The following MAPK10 variants were observed in gnomAD, a reference collection of about 807,000 sequenced individuals.
The protein encoded by MAPK10 is mitogen-activated protein kinase 10.
MAPK10 carries 25 observed loss-of-function variants against 59.3 expected under a neutral mutation model. That is an observed-to-expected ratio of 0.42 (90% CI 0.31 to 0.59). MAPK10 has a LOEUF of 0.59. Ranked by LOEUF, MAPK10 falls within the 20% of genes least tolerant of loss-of-function variation. The pLI, the probability that MAPK10 is intolerant of heterozygous loss-of-function variation, is 0.15. For synonymous variants in MAPK10, 190 were observed against 200.5 expected (o/e 0.95, Z 0.44); for missense variants, 351 against 568.9 (o/e 0.62, Z 3.90).
intron 11 of MAPK10, among the ~76,000 whole-genome samples, chr4:86,048,812 T>C (rs1005859191): frequency 3.3e-5 from 5 of 152,172 alleles, no homozygotes; most frequent in African/African-American, 1.2e-4. Flanking sequence ...GGTTGAAATG[T>C]AATAATTTTT....
chr4:86,413,235 A>C lies in MAPK10; in HGVS notation c.-122+39795T>G, dbSNP rs568730159. Reference sequence around the variant, plus strand: ...GTTTGCCTGAGTATCACCAGCAGAGACTGCAGAACAGCAAATATTGCTGCC... The same window carrying C: ...GTTTGCCTGAGTATCACCAGCAGAGCCTGCAGAACAGCAAATATTGCTGCC... On this transcript the variant is annotated intron_variant, in intron 1 of 13. Transcript: ENST00000361569. 4.9e-4 allele frequency among the ~76,000 whole-genome samples: 74 copies of C among 152,198 alleles called. 1 individual carries two copies. Among genetic ancestry groups the C allele is most frequent in the African/African-American group, 1.6e-3 (65 of 41,530 alleles).
intron 2 of MAPK10, among the ~76,000 whole-genome samples, chr4:86,304,718 C>A (rs1253641822): frequency 6.6e-6 from 1 of 152,064 alleles, no homozygotes; most frequent in Admixed American, 6.5e-5. Flanking sequence ...TATTAAATTT[C>A]TTCCTGTTTG....
chr4:86,553,699 C>CA (rs1049782738), intron 1 of MAPK10, among the ~76,000 whole-genome samples: 4 of 152,112 alleles, frequency 2.6e-5, no homozygotes, highest in African/African-American at 9.7e-5. Flanking sequence ...CCAAGTCACC[C>CA]ATTCTACCCA....
upstream of MAPK10, among the ~76,000 whole-genome samples, chr4:86,360,490 G>A (rs78281711): frequency 0.01 from 1,548 of 152,292 alleles, 31 homozygotes; most frequent in African/African-American, 0.035. Flanking sequence ...GCAGGCATTT[G>A]AGTGTCGCCT....
At chr4:86,533,476 C>T (rs1757990827) in intron 1 of MAPK10, among the ~76,000 whole-genome samples, 1 of 152,142 alleles carries the variant, frequency 6.6e-6, no homozygotes. Context: ...AAGTACAGTA[C>T]TGAGGGTTCA....
intron 1 of MAPK10, among the ~76,000 whole-genome samples, chr4:86,415,920 C>T (rs1014385393): frequency 6.6e-6 from 1 of 152,108 alleles, no homozygotes; most frequent in African/African-American, 2.4e-5. Flanking sequence ...CCAGATTAGA[C>T]AAAGTTGGAT....
intron 2 of MAPK10, among the ~76,000 whole-genome samples, chr4:86,306,426 T>C (rs2095569655): frequency 6.6e-6 from 1 of 152,226 alleles, no homozygotes; most frequent in South Asian, 2.1e-4. Flanking sequence ...GACTTGCACA[T>C]TTCTTGCAAG....
At chr4:86,135,083 C>T (rs2061697187) in intron 4 of MAPK10, among the ~76,000 whole-genome samples, 1 of 152,200 alleles carries the variant, frequency 6.6e-6, no homozygotes, top group Non-Finnish European at 1.5e-5. Flanking sequence ...TGAGATCAAA[C>T]TGCAAGGCAG....
At chr4:86,147,994 C>A (rs186468101) in intron 4 of MAPK10, among the ~76,000 whole-genome samples, 1 of 152,170 alleles carries the variant, frequency 6.6e-6, no homozygotes, top group African/African-American at 2.4e-5. Flanking sequence ...TTCAAACATA[C>A]ACATTACATT....
chr4:86,497,035 T>G (rs2149077551), intron 1 of MAPK10, among the ~76,000 whole-genome samples: 1 of 152,344 alleles, frequency 6.6e-6, no homozygotes, highest in Admixed American at 6.5e-5. Context: ...TCACATGCTA[T>G]TTCATTCTAT....
intron 4 of MAPK10, among the ~76,000 whole-genome samples, chr4:86,144,409 T>C (rs1392456238): frequency 6.6e-6 from 1 of 152,130 alleles, no homozygotes; most frequent in Non-Finnish European, 1.5e-5. Context: ...TTTGAGCAGA[T>C]AAAGCAAGAA....
chr4:86,325,093 ATCT>A (rs557945446), intron 2 of MAPK10, among the ~76,000 whole-genome samples: 22 of 152,280 alleles, frequency 1.4e-4, no homozygotes, highest in Admixed American at 1.0e-3. Context: ...ATTTAATTAA[ATCT>A]TCTTCTATAC....
At chr4:86,576,660 G>T (rs2149110420) in intron 1 of MAPK10, among the ~76,000 whole-genome samples, 1 of 152,082 alleles carries the variant, frequency 6.6e-6, no homozygotes, top group South Asian at 2.1e-4. Context: ...TGTAGTCCCA[G>T]CTAACTTGGG....
intron 1 of MAPK10, among the ~76,000 whole-genome samples, chr4:86,508,690 C>T (rs1178351747): frequency 6.6e-6 from 1 of 152,154 alleles, no homozygotes; most frequent in East Asian, 1.9e-4. Context: ...TTCTGAACAT[C>T]TTCCAAGAGC....
intron 1 of MAPK10, among the ~76,000 whole-genome samples, chr4:86,580,860 G>A (rs1431617829): frequency 6.6e-6 from 1 of 152,078 alleles, no homozygotes; most frequent in African/African-American, 2.4e-5. Flanking sequence ...CATGACAACT[G>A]TACACCAAGT....
At chr4:86,179,271 A>C (rs1386544266) in intron 3 of MAPK10, among the ~76,000 whole-genome samples, 7 of 152,078 alleles carry the variant, frequency 4.6e-5, no homozygotes, top group African/African-American at 1.7e-4. Flanking sequence ...TAGTACACAA[A>C]CAATAAAATA....
intron 2 of MAPK10, among the ~76,000 whole-genome samples, chr4:86,236,010 C>T (rs1433042740): frequency 1.3e-5 from 2 of 152,100 alleles, no homozygotes; most frequent in Non-Finnish European, 2.9e-5. Flanking sequence ...AAGCTGTTTG[C>T]TTGCCTTTTT....
At chr4:86,224,715 A>G (rs1164524258) in intron 2 of MAPK10, among the ~76,000 whole-genome samples, 3 of 152,204 alleles carry the variant, frequency 2.0e-5, no homozygotes, top group African/African-American at 7.2e-5. Flanking sequence ...TTTGCTCCCC[A>G]AATTTAAGAT....
intron 7 of MAPK10, chr4:86,101,477 T>G (rs2055380681): frequency 2.4e-6 from 1 of 423,158 alleles, no homozygotes. Context: ...AAAAAAAATA[T>G]TTATTGTCTT....
Sources: allele counts gnomAD v4.1 joint callset (sites outside exome capture counted in the v4.1 genomes callset), GRCh38; gene constraint gnomAD v4.1.1; transcripts MANE v1.5; gene names NCBI Gene and HGNC (gene_info 2026-07-23, HGNC 2026-07-21).